Variants in JAKMIP3 observed in about 807,000 individuals in gnomAD.
JAKMIP3 encodes janus kinase and microtubule-interacting protein 3.
A neutral mutation model predicts 118.5 loss-of-function variants in JAKMIP3; 58 were observed. That is an observed-to-expected ratio of 0.49 (90% CI 0.40 to 0.61). The LOEUF (loss-of-function observed/expected upper bound fraction) is 0.61, where lower values mean the gene tolerates loss of function less well. JAKMIP3 is among the 20% of genes least tolerant of loss of function. JAKMIP3 has a pLI of 0.00. For synonymous variants in JAKMIP3, 486 were observed against 451.2 expected, an observed-to-expected ratio of 1.08 and a Z score of -0.98; for missense variants, 950 against 1,109.0, an observed-to-expected ratio of 0.86 and a Z score of 2.04.
chr10:132,164,795 C>T (rs1009862912), intron 21 of JAKMIP3, 60 bp downstream of exon 21: 1 of 1,172,236 alleles, frequency 8.5e-7, no homozygotes. Context: ...AACCCGGTGT[C>T]ACCCCGACCT....
chr10:132,114,193 T>TTTCTGTGCAGCA (rs2047283727), intron 2 of JAKMIP3, among the ~76,000 whole-genome samples: 2 of 152,256 alleles, frequency 1.3e-5, no homozygotes, highest in African/African-American at 4.8e-5. Context: ...GGAATGGTTG[T>TTTCTGTGCAGCA]TGCTTCTGTG....
intron 2 of JAKMIP3, among the ~76,000 whole-genome samples, chr10:132,113,325 A>G (rs905069222): frequency 6.6e-6 from 1 of 152,214 alleles, no homozygotes; most frequent in African/African-American, 2.4e-5. Context: ...AAGCCGCTGG[A>G]AGCCTCTCTG....
exon 1 of JAKMIP3, among the ~76,000 whole-genome samples, chr10:132,036,688 G>A (rs1443573305): frequency 1.1e-4 from 17 of 150,568 alleles, no homozygotes; most frequent in Admixed American, 2.0e-4. Context: ...CCTCTGCCAT[G>A]GCCGATCCGG....
At position 132,180,700 on chromosome 10, in the gene JAKMIP3, T is replaced by TGTGC. The variant is rs1554963259; in HGVS notation, c.*1104-1654_*1104-1653insCGTG. 1.5e-3 allele frequency among the ~76,000 whole-genome samples: 27 copies of TGTGC among 18,292 alleles called. 3 individuals carry two copies. The highest frequency in any genetic ancestry group is 6.2e-3 in the African/African-American group (26 of 4,188). The allele number at this position is 18,292 out of a possible 152,430, so 12.0% of individuals were successfully genotyped here. ...GCGCGCGCGTGTGTGTGCGTGCGTG[T>TGTGC]GTGTGTGCGCGTGTGTGTGCGTGTG... On this transcript the variant is annotated intron_variant, in intron 23 of 23. Transcript: ENST00000684848.
upstream of JAKMIP3, among the ~76,000 whole-genome samples, chr10:132,060,268 C>A (rs2038353821): frequency 1.3e-5 from 2 of 152,104 alleles, 1 homozygote; most frequent in South Asian, 4.2e-4. Flanking sequence ...AATCCTGTGA[C>A]TGCAAACTGC....
At chr10:132,148,457 CCG>C (rs2055113380) in intron 14 of JAKMIP3, among the ~76,000 whole-genome samples, 4 of 96,118 alleles carry the variant, frequency 4.2e-5, no homozygotes, top group East Asian at 8.0e-4. Context: ...CTCCATCTGC[CCG>C]TCCTCCATCC....
At chr10:132,167,828 ACCCCTCG>A (rs1564995612) in intron 22 of JAKMIP3, 118 bp from the exon 23 acceptor site, 3 of 441,344 alleles carry the variant, frequency 6.8e-6, no homozygotes, top group Non-Finnish European at 1.1e-5. Context: ...CTCGGCCCTC[ACCCCTCG>A]GCCCTCGCCC....
At chr10:132,120,943 G>A (rs1022920767) in intron 3 of JAKMIP3, among the ~76,000 whole-genome samples, 1 of 150,770 alleles carries the variant, frequency 6.6e-6, no homozygotes, top group Non-Finnish European at 1.5e-5. Context: ...TCGAGCTGCG[G>A]GGGCAGCGGC....
intron 21 of JAKMIP3, among the ~76,000 whole-genome samples, chr10:132,166,429 C>T (rs1205235945): frequency 6.6e-6 from 1 of 152,178 alleles, no homozygotes; most frequent in Non-Finnish European, 1.5e-5. Context: ...TCCAGATGGG[C>T]CTGGCTCCCG....
chr10:132,102,329 G>T (rs12780030), intron 1 of JAKMIP3, among the ~76,000 whole-genome samples: 35,486 of 151,938 alleles, frequency 0.23, 4,829 homozygotes, highest in African/African-American at 0.39. Context: ...TGACGTCCGC[G>T]GGACAACCTG....
At chr10:132,124,086 G>A (rs1304402314) in intron 3 of JAKMIP3, among the ~76,000 whole-genome samples, 1 of 152,228 alleles carries the variant, frequency 6.6e-6, no homozygotes, top group Admixed American at 6.5e-5. Flanking sequence ...TTGAGGAAAC[G>A]TCTACAGAGA....
rs376268337 is a variant in JAKMIP3 at position 132,096,763 on chromosome 10, A to G, written c.-137-7909A>G. Among the ~76,000 whole-genome samples the G allele has an allele frequency of 2.6e-5, 4 of 152,126 alleles. No homozygotes were observed. The East Asian group carries it at 7.8e-4, about 29-fold the overall frequency. ...TGAAATAAGAAACCAGTGTAAGAAG[A>G]CTCTGAAAGGCAGGCTGGAGAAAGC... On this transcript the variant is annotated intron_variant, in intron 1 of 23. Transcript: ENST00000684848.
intron 23 of JAKMIP3, among the ~76,000 whole-genome samples, chr10:132,174,226 A>T (rs1355028523): frequency 1.3e-5 from 2 of 152,118 alleles, no homozygotes; most frequent in Non-Finnish European, 2.9e-5. Flanking sequence ...CTGCCTGTGC[A>T]GTGGCCCCTT....
At chr10:132,127,417 T>TGTGC (rs34435836) in intron 3 of JAKMIP3, among the ~76,000 whole-genome samples, 7 of 150,090 alleles carry the variant, frequency 4.7e-5, no homozygotes, top group African/African-American at 9.9e-5. Flanking sequence ...TGTGTGTGTG[T>TGTGC]GCGTGTGTGT....
chr10:132,140,769 G>A (rs796857986), intron 10 of JAKMIP3, among the ~76,000 whole-genome samples, 190 bp downstream of exon 10: 4 of 152,178 alleles, frequency 2.6e-5, no homozygotes, highest in Admixed American at 6.5e-5. Flanking sequence ...TAGCTGACTC[G>A]GGCACGGTGA....
intron 1 of JAKMIP3, among the ~76,000 whole-genome samples, chr10:132,072,151 C>T (rs112855037): frequency 0.12 from 17,638 of 151,962 alleles, 1,131 homozygotes; most frequent in Middle Eastern, 0.19. Context: ...AGGGTTCCGC[C>T]GGCCTCAGCC....
chr10:132,096,757 A>G (rs1449228024), intron 1 of JAKMIP3, among the ~76,000 whole-genome samples: 1 of 152,156 alleles, frequency 6.6e-6, no homozygotes, highest in Non-Finnish European at 1.5e-5. Context: ...AAACCAGTGT[A>G]AGAAGACTCT....
chr10:132,180,788 T>TGTGTGTGTGTGTGC lies in JAKMIP3; in HGVS notation c.*1104-1569_*1104-1568insGTGTGTGTGTGTGC, dbSNP rs1491365450. Among the ~76,000 whole-genome samples the TGTGTGTGTGTGTGC allele has an allele frequency of 1.1e-3, 12 of 10,726 alleles. 1 individual carries two copies. Among genetic ancestry groups the TGTGTGTGTGTGTGC allele is most frequent in the African/African-American group, 4.1e-3 (12 of 2,906 alleles). 7.0% of individuals were successfully genotyped at this position (10,726 alleles called of 152,430 possible). Reference sequence around the variant, plus strand: ...GTGTGTGCGTGTGTGTGTGTGCGCGTATGCATGTGCTGTGAGTGGTGTGTT... The same window carrying TGTGTGTGTGTGTGC: ...GTGTGTGCGTGTGTGTGTGTGCGCGTGTGTGTGTGTGTGCATGCATGTGCTGTGAGTGGTGTGTT... On this transcript the variant is annotated intron_variant, in intron 23 of 23. Transcript: ENST00000684848.
chr10:132,061,108 AAGTG>A (rs1453394370), upstream of JAKMIP3, among the ~76,000 whole-genome samples: 1 of 152,250 alleles, frequency 6.6e-6, no homozygotes, highest in African/African-American at 2.4e-5. Context: ...GGTAAATATG[AAGTG>A]AGTAACAGTC....
Sources: gnomAD v4.1 joint callset for allele counts (sites outside exome capture counted in the v4.1 genomes callset) on GRCh38, gnomAD v4.1.1 for gene constraint, MANE v1.5 for transcripts, NCBI Gene and HGNC (gene_info 2026-07-23, HGNC 2026-07-21) for gene names.